Variants in FOXN4 observed in about 807,000 individuals in gnomAD.
FOXN4 encodes forkhead box N4, also known as forkhead box protein N4.
Under a neutral mutation model 45.0 loss-of-function variants are expected in FOXN4, and 12 were observed. The ratio of observed to expected loss-of-function variants is 0.27; its 90% confidence interval spans 0.17 to 0.43. The LOEUF (loss-of-function observed/expected upper bound fraction) is 0.43, where lower values mean the gene tolerates loss of function less well. Among genes scored for constraint, FOXN4 ranks in the 20% least tolerant of loss-of-function variants. The probability of loss-of-function intolerance (pLI) is 1.00; values close to 1 mark genes in which losing one functional copy is unlikely to be tolerated. For synonymous variants in FOXN4, 297 were observed against 295.0 expected (o/e 1.01, Z -0.07); for missense variants, 560 against 694.9 (o/e 0.81, Z 2.18).
chr12:109,296,988 G>A (rs1041594800), intron 2 of FOXN4, among the ~76,000 whole-genome samples: 3 of 152,194 alleles, frequency 2.0e-5, no homozygotes, highest in African/African-American at 4.8e-5. Context: ...TTTGCCAGAC[G>A]AGAACACTGA....
At chr12:109,284,471 G>A (rs1446129882) in intron 8 of FOXN4, among the ~76,000 whole-genome samples, 3 of 134,664 alleles carry the variant, frequency 2.2e-5, no homozygotes, top group Admixed American at 1.4e-4. Flanking sequence ...GTGTGCGTGT[G>A]CGCACACACT....
chr12:109,303,928 C>T (rs778504845), intron 2 of FOXN4, among the ~76,000 whole-genome samples: 36 of 152,028 alleles, frequency 2.4e-4, no homozygotes, highest in Non-Finnish European at 4.7e-4. Flanking sequence ...AAAAGTGGCA[C>T]GCCTGTAATC....
At position 109,291,816 on chromosome 12, in the gene FOXN4, C is replaced by T. The variant is rs1361846403; in HGVS notation, c.87-1530G>A. 6.6e-6 allele frequency among the ~76,000 whole-genome samples: 1 copy of T among 152,112 alleles called. No individual in the cohort carries two copies. The highest frequency in any genetic ancestry group is 2.4e-5 in the African/African-American group (1 of 41,428). ...GCCGTGTCAGTGGCAGCAGTTGGTC[C>T]GGCTGCTGTCCCCCGGCATCCCATT... On this transcript the variant is annotated intron_variant, in intron 2 of 9. Coordinates refer to ENST00000299162, the MANE Select transcript of FOXN4 (RefSeq NM_213596.3). This position sits in a 1 kb window ranked among gnomAD's most constrained non-coding sequence, Gnocchi z 6.6.
At position 109,286,760 on chromosome 12, in the gene FOXN4, G is replaced by GGGGCAGGGCA. The variant is rs146413072; in HGVS notation, c.597-26_597-17dup. On this transcript the variant is annotated splice_polypyrimidine_tract_variant and intron_variant, in intron 6 of 9. Coordinates refer to ENST00000299162, the MANE Select transcript of FOXN4 (RefSeq NM_213596.3). ...GATCAGACAGCTGGGGGCAGGAGGT[G>GGGGCAGGGCA]GGGCAGGGCAGGGCAGGGCAGGACA... 152 of 1,600,508 alleles carry GGGGCAGGGCA rather than the reference G, an allele frequency of 9.5e-5. No homozygotes were observed. The highest frequency in any genetic ancestry group is 5.0e-4 in the Middle Eastern group (3 of 6,012).
chr12:109,281,338 C>G, intron 9 of FOXN4, 69 bp downstream of exon 9: 1 of 1,571,186 alleles, frequency 6.4e-7, no homozygotes, highest in Non-Finnish European at 8.7e-7. Context: ...TCCTCTCCCT[C>G]ACTCCCTTTG....
Position 109,285,418 on chromosome 12 carries a change from GGGA to G in FOXN4, c.784_786del (p.Ser262del). 6.2e-7 allele frequency: 1 copy of G among 1,614,008 alleles called. No individual in the cohort carries two copies. Among genetic ancestry groups the G allele is most frequent in the Admixed American group, 1.7e-5 (1 of 60,028 alleles). On this transcript the variant is annotated inframe_deletion, in exon 8 of 10. Transcript: ENST00000299162. The stretch of plus-strand genomic sequence containing the variant: ...TTCAGAGCCCACAGGCAGCCCTTGC[GGGA>G]GGAGCCGCTCATCTTGTTCTCCACC...
rs760454405 is a variant in FOXN4 at position 109,285,380 on chromosome 12, G to A, written c.825C>T (p.Ile275=). ...GCLWALNLAR[I]DKMEEEMHKW... is the part of the protein sequence containing the mutation. ...TGTGCATCTCCTCCTCCATCTTGTC[G>A]ATGCGGGCCAGGTTCAGAGCCCACA... Residue 275 remains isoleucine, a synonymous_variant, in exon 8 of 10, where the codon ATC becomes ATT. Transcript: ENST00000299162. The A allele has an allele frequency of 1.2e-6, 2 of 1,613,766 alleles. No homozygotes were observed. The highest frequency in any genetic ancestry group is 1.7e-6 in the Non-Finnish European group (2 of 1,179,878).
chr12:109,283,699 CT>C (rs2047674928), intron 8 of FOXN4, among the ~76,000 whole-genome samples: 1 of 152,226 alleles, frequency 6.6e-6, no homozygotes, highest in African/African-American at 2.4e-5. Flanking sequence ...TGGTCTTGAA[CT>C]CCTGACCTCA....
intron 2 of FOXN4, among the ~76,000 whole-genome samples, chr12:109,296,194 G>A (rs922993387): frequency 6.6e-6 from 1 of 152,204 alleles, no homozygotes; most frequent in Non-Finnish European, 1.5e-5. Flanking sequence ...GAAGAGGCCG[G>A]GTACCTGCAA....
chr12:109,279,704 A>C lies in FOXN4; in HGVS notation c.1521T>G (p.Gly507=), dbSNP rs1593762617. 2 of 1,573,688 alleles carry C rather than the reference A, an allele frequency of 1.3e-6. No homozygotes were observed. Among genetic ancestry groups the C allele is most frequent in the Non-Finnish European group, 8.6e-7 (1 of 1,160,448 alleles). Reference sequence around the variant, plus strand: ...GGGCTATAGGCTTGTTCCCCTGTGCACCCAGGTACTGGGAGGAGGAGCTGG... The same window carrying C: ...GGGCTATAGGCTTGTTCCCCTGTGCCCCCAGGTACTGGGAGGAGGAGCTGG... ...SGTSSSSQYL[G]AQGNKPIALL The change falls in exon 10 of 10, where the codon GGT becomes GGG. Residue 507 remains glycine, a synonymous_variant. Transcript: ENST00000299162.
intron 2 of FOXN4, among the ~76,000 whole-genome samples, chr12:109,293,288 TG>T (rs2047786180): frequency 6.6e-6 from 1 of 152,202 alleles, no homozygotes; most frequent in South Asian, 2.1e-4. Context: ...TGCAGGTTCC[TG>T]CTACCCCGAG....
intron 2 of FOXN4, among the ~76,000 whole-genome samples, chr12:109,302,094 C>G (rs2047873664): frequency 6.6e-6 from 1 of 152,178 alleles, no homozygotes; most frequent in Non-Finnish European, 1.5e-5. Context: ...CTGTTCTTAC[C>G]CGCTCCTCCC....
At chr12:109,299,822 G>T (rs2047853527) in intron 2 of FOXN4, among the ~76,000 whole-genome samples, 6 of 152,188 alleles carry the variant, frequency 3.9e-5, no homozygotes, top group Admixed American at 3.9e-4. Flanking sequence ...TGTTACCTGT[G>T]TGCCCTTGTG....
intron 2 of FOXN4, among the ~76,000 whole-genome samples, chr12:109,296,225 A>T (rs1471572280): frequency 6.6e-6 from 1 of 152,222 alleles, no homozygotes; most frequent in African/African-American, 2.4e-5. Context: ...CCCCAGCCTC[A>T]GGTGGTTCCT....
At chr12:109,305,809 G>A (rs1389314753) in intron 2 of FOXN4, among the ~76,000 whole-genome samples, 2 of 152,294 alleles carry the variant, frequency 1.3e-5, no homozygotes, top group East Asian at 1.9e-4. Context: ...GGAAAGGCTT[G>A]TGCCAGACCA....
chr12:109,297,867 T>C (rs1593782991), intron 2 of FOXN4, among the ~76,000 whole-genome samples: 1 of 152,094 alleles, frequency 6.6e-6, no homozygotes, highest in South Asian at 2.1e-4. Context: ...TAAAATCAAA[T>C]GTACAGATTT....
At chr12:109,292,899 C>T (rs772293393) in intron 2 of FOXN4, among the ~76,000 whole-genome samples, 2 of 152,134 alleles carry the variant, frequency 1.3e-5, no homozygotes, top group Non-Finnish European at 2.9e-5. Context: ...GGGCTGAGCA[C>T]AAGGCTGAGC....
At chr12:109,293,098 C>G (rs1593778881) in intron 2 of FOXN4, among the ~76,000 whole-genome samples, 1 of 152,224 alleles carries the variant, frequency 6.6e-6, no homozygotes, top group Non-Finnish European at 1.5e-5. Context: ...TGCTCCCTCC[C>G]CTGCACCCAT....
chr12:109,279,633 C>T lies in FOXN4; in HGVS notation c.*38G>A, dbSNP rs1322015722. ...TGTTCTAGTCAGTTCTCTGCCCAAG[C>T]CGGGTGCCGGGGTTCCAGGGCAGGT... is the stretch of plus-strand genomic sequence containing the variant. On this transcript the variant is annotated 3_prime_UTR_variant, in exon 10 of 10. Coordinates refer to ENST00000299162, the MANE Select transcript of FOXN4 (RefSeq NM_213596.3). 1 of 1,557,820 alleles carries T rather than the reference C, an allele frequency of 6.4e-7. No homozygotes were observed. Among genetic ancestry groups the T allele is most frequent in the South Asian group, 1.2e-5 (1 of 84,304 alleles).
Sources: allele counts gnomAD v4.1 joint callset (sites outside exome capture counted in the v4.1 genomes callset), GRCh38; gene constraint gnomAD v4.1.1; non-coding constraint Gnocchi (gnomAD v3.1); transcripts MANE v1.5; gene names NCBI Gene and HGNC (gene_info 2026-07-23, HGNC 2026-07-21).